MARK3: variants seen among roughly 807,000 people sequenced by gnomAD.
The protein encoded by MARK3 is microtubule affinity regulating kinase 3.
A neutral mutation model predicts 90.1 loss-of-function variants in MARK3; 46 were observed. The ratio of observed to expected loss-of-function variants is 0.51; its 90% CI spans 0.40 to 0.65. The LOEUF (loss-of-function observed/expected upper bound fraction) is 0.65. MARK3 is among the 30% of genes least tolerant of loss of function. The pLI is 0.00. For synonymous variants in MARK3, 321 were observed against 332.6 expected, an observed-to-expected ratio of 0.97 and a Z score of 0.38; for missense variants, 818 against 947.2, an observed-to-expected ratio of 0.86 and a Z score of 1.79.
At chr14:103,464,340 C>T (rs1000125714) in intron 7 of MARK3, among the ~76,000 whole-genome samples, 2 of 120,790 alleles carry the variant, frequency 1.7e-5, no homozygotes, top group South Asian at 2.6e-4. Flanking sequence ...ACTTTGTTGC[C>T]CTGGCTAGAG....
In MARK3 at chr14:103,442,945, C is replaced by G. The variant is rs558429094; in HGVS notation, c.298-5974C>G. ...AAATCCAAAACTTTGGTGGGTGTCC[C>G]CCCCCCTCCCACCGACAAGGAAGTG... On this transcript the variant is annotated intron_variant, in intron 3 of 17. Coordinates refer to ENST00000429436, the MANE Select transcript of MARK3 (RefSeq NM_001128918.3). Among the ~76,000 whole-genome samples the G allele has an allele frequency of 1.9e-4, 28 of 149,270 alleles. 2 individuals are homozygous for G. The highest frequency in any genetic ancestry group is 6.8e-4 in the African/African-American group (27 of 39,724).
At chr14:103,404,889 G>A (rs187066826) in intron 1 of MARK3, among the ~76,000 whole-genome samples, 187 bp from the exon 2 acceptor site, 8 of 152,236 alleles carry the variant, frequency 5.3e-5, no homozygotes, top group Admixed American at 3.9e-4. Flanking sequence ...TCAACACTTC[G>A]TATTTTTCGT....
Position 103,385,812 on chromosome 14 carries a change from C to G in MARK3, c.-218C>G, listed in dbSNP as rs1342609579. 2 of 439,356 alleles carry G rather than the reference C, an allele frequency of 4.6e-6. No individual in the cohort carries two copies. Among genetic ancestry groups the G allele is most frequent in the Non-Finnish European group, 8.0e-6 (2 of 250,260 alleles). The allele number at this position is 439,356 out of a possible 1,614,324, so 27.2% of individuals were successfully genotyped here. ...CACTGCCGCCCTCCCGGTCTCCTCG[C>G]CTCGGCCGCCGAGGCAGGGAGAGAA... On this transcript the variant is annotated 5_prime_UTR_variant, in exon 1 of 18. Coordinates refer to ENST00000429436, the MANE Select transcript of MARK3 (RefSeq NM_001128918.3).
chr14:103,442,866 G>A (rs1013650), intron 3 of MARK3, among the ~76,000 whole-genome samples: 50,499 of 151,288 alleles, frequency 0.33, 8,768 homozygotes, highest in Middle Eastern at 0.45. Context: ...ATAATGTAAG[G>A]AGTCAGTAAA....
At position 103,460,073 on chromosome 14, in the gene MARK3, C is replaced by CTTTTTTTTTTTTTTTTTTTTTTTTTTTT. The variant is rs571611660; in HGVS notation, c.484-2328_484-2301dup. ...AAAAAGAATAGATTTCCAGCTCCAT[C>CTTTTTTTTTTTTTTTTTTTTTTTTTTTT]TTTTTTTTTTTTTTTTTTTTTTTTT... On this transcript the variant is annotated intron_variant, in intron 6 of 17. Transcript: ENST00000429436. 2.2e-4 allele frequency among the ~76,000 whole-genome samples: 9 copies of CTTTTTTTTTTTTTTTTTTTTTTTTTTTT among 41,704 alleles called. 3 individuals carry two copies. Among genetic ancestry groups the CTTTTTTTTTTTTTTTTTTTTTTTTTTTT allele is most frequent in the Non-Finnish European group, 2.8e-4 (7 of 25,344 alleles). 27.4% of individuals were successfully genotyped at this position (41,704 alleles called of 152,430 possible). A position where few individuals can be genotyped will look rare whatever the true frequency, so the allele number is the denominator to read the frequency against.
intron 5 of MARK3, among the ~76,000 whole-genome samples, chr14:103,452,471 C>CTTTTTTTTTTTTT (rs71126026): frequency 7.2e-5 from 7 of 97,478 alleles, no homozygotes; most frequent in Non-Finnish European, 1.6e-4. Flanking sequence ...CAGGATTTGT[C>CTTTTTTTTTTTTT]TTTTTTTTTT....
At chr14:103,443,700 T>TTG (rs2092920347) in intron 3 of MARK3, among the ~76,000 whole-genome samples, 1 of 152,240 alleles carries the variant, frequency 6.6e-6, no homozygotes, top group African/African-American at 2.4e-5. Context: ...GACCAGCCTG[T>TTG]GGCAACCAGT....
chr14:103,485,414 C>T (rs1456870268), intron 14 of MARK3, among the ~76,000 whole-genome samples: 3 of 151,856 alleles, frequency 2.0e-5, no homozygotes, highest in African/African-American at 4.8e-5. Flanking sequence ...GCTGGGACTA[C>T]AGGCATGGAC....
Position 103,472,187 on chromosome 14 carries a change from G to GC in MARK3, c.1265-2805dup, listed in dbSNP as rs1374633923. On this transcript the variant is annotated intron_variant, in intron 12 of 17. Coordinates refer to ENST00000429436, the MANE Select transcript of MARK3 (RefSeq NM_001128918.3). ...ATCGAGCCACTGCACTCCAGCCTGG[G>GC]CGACAGAGCGAGACTCCGTCTCAAA... is the stretch of plus-strand genomic sequence containing the variant. Among the ~76,000 whole-genome samples, 13 of 142,388 alleles carry GC rather than the reference G, an allele frequency of 9.1e-5. No homozygotes were observed. In the East Asian group the frequency reaches 1.3e-3, roughly 14 times the overall value. The allele number at this position is 142,388 out of a possible 152,430, so 93.4% of individuals were successfully genotyped here.
chr14:103,432,252 G>C (rs908904689), intron 3 of MARK3, among the ~76,000 whole-genome samples: 6 of 152,128 alleles, frequency 3.9e-5, no homozygotes, highest in Non-Finnish European at 8.8e-5. Flanking sequence ...GACTGAGTAG[G>C]ACAGAAAGGG....
At chr14:103,411,385 A>G (rs1368853177) in intron 2 of MARK3, among the ~76,000 whole-genome samples, 2 of 152,248 alleles carry the variant, frequency 1.3e-5, no homozygotes, top group African/African-American at 4.8e-5. Flanking sequence ...GAAGATTAGT[A>G]TTAGGTGTAG....
Position 103,452,469 on chromosome 14 carries a change from G to C in MARK3, c.412+486G>C, listed in dbSNP as rs371086278. On this transcript the variant is annotated intron_variant, in intron 5 of 17. Transcript: ENST00000429436. ...ATACAAGTGGAATTTTACAGGATTT[G>C]TCTTTTTTTTTTTTTTTTTTGAGAC... Among the ~76,000 whole-genome samples, 13 of 84,222 alleles carry C rather than the reference G, an allele frequency of 1.5e-4. 2 individuals carry two copies. In the East Asian group the frequency reaches 4.0e-3, roughly 26 times the overall value. The allele number at this position is 84,222 out of a possible 152,430, so 55.3% of individuals were successfully genotyped here. A position where few individuals can be genotyped will look rare whatever the true frequency, so the allele number is the denominator to read the frequency against.
intron 3 of MARK3, among the ~76,000 whole-genome samples, chr14:103,442,948 C>CCCA (rs1179770228): frequency 6.6e-6 from 1 of 150,584 alleles, no homozygotes; most frequent in African/African-American, 2.5e-5. Context: ...GGTGTCCCCC[C>CCCA]CCCTCCCACC....
intron 2 of MARK3, among the ~76,000 whole-genome samples, chr14:103,421,430 A>G (rs548853360): frequency 2.6e-5 from 4 of 152,296 alleles, no homozygotes; most frequent in South Asian, 4.1e-4. Flanking sequence ...GCATCAGGAA[A>G]AATCACAGGC....
chr14:103,498,382 G>T, intron 15 of MARK3, 120 bp from the exon 16 acceptor site: 3 of 624,190 alleles, frequency 4.8e-6, no homozygotes, highest in South Asian at 2.7e-5. Flanking sequence ...TTGTTCATTG[G>T]CCAGAGAAGG....
chr14:103,490,882 C>G, intron 14 of MARK3: 1 of 1,033,694 alleles, frequency 9.7e-7, no homozygotes, highest in Non-Finnish European at 1.2e-6. Flanking sequence ...GCATTACACA[C>G]AGGTTGCTCT....
chr14:103,408,477 C>T (rs907418136), intron 2 of MARK3, among the ~76,000 whole-genome samples: 1 of 152,234 alleles, frequency 6.6e-6, no homozygotes, highest in Non-Finnish European at 1.5e-5. Flanking sequence ...GCGTGAGCCA[C>T]CATGCCTGGC....
At chr14:103,447,628 A>G (rs1196394169) in intron 3 of MARK3, among the ~76,000 whole-genome samples, 2 of 152,118 alleles carry the variant, frequency 1.3e-5, no homozygotes, top group African/African-American at 4.8e-5. Flanking sequence ...GGTCTCTAAA[A>G]TCCTGTTGTT....
At chr14:103,405,376 A>G (rs2091218228) in intron 2 of MARK3, 109 bp downstream of exon 2, 2 of 823,508 alleles carry the variant, frequency 2.4e-6, no homozygotes, top group Admixed American at 3.5e-5. Context: ...TTTAAGATGG[A>G]GTCTCGCTCT....
Sources: gnomAD v4.1 joint callset for allele counts (sites outside exome capture counted in the v4.1 genomes callset) on GRCh38, gnomAD v4.1.1 for gene constraint, MANE v1.5 for transcripts, NCBI Gene and HGNC (gene_info 2026-07-23, HGNC 2026-07-21) for gene names.